CNTN5: variants seen among roughly 807,000 people sequenced by gnomAD.
The protein encoded by CNTN5 is contactin 5, also known as contactin-5.
In CNTN5, 77 loss-of-function variants were observed where a neutral mutation model predicts 129.1. That is an observed-to-expected ratio of 0.60 (90% CI 0.50 to 0.72). CNTN5 has a LOEUF of 0.72. Among genes scored for constraint, CNTN5 ranks in the 30% least tolerant of loss-of-function variants. The pLI, the probability that CNTN5 is intolerant of heterozygous loss-of-function variation, is 0.00. For synonymous variants in CNTN5, 509 were observed against 465.6 expected, an observed-to-expected ratio of 1.09 and a Z score of -1.20; for missense variants, 1,478 against 1,328.8, an observed-to-expected ratio of 1.11 and a Z score of -1.75.
chr11:99,095,554 G>A (rs1248065507), intron 1 of CNTN5, among the ~76,000 whole-genome samples: 1 of 151,858 alleles, frequency 6.6e-6, no homozygotes, highest in African/African-American at 2.4e-5. Flanking sequence ...AAGAGTAAGG[G>A]CAGAAAATCA....
intron 2 of CNTN5, among the ~76,000 whole-genome samples, chr11:99,431,757 A>T (rs887404091): frequency 6.6e-6 from 1 of 152,202 alleles, no homozygotes; most frequent in South Asian, 2.1e-4. Flanking sequence ...TAAAAAAAGG[A>T]ACAGCAATCC....
intron 2 of CNTN5, among the ~76,000 whole-genome samples, chr11:99,363,556 T>C (rs1041918215): frequency 6.6e-6 from 1 of 152,126 alleles, no homozygotes. Flanking sequence ...GACAAAACTG[T>C]TGGGAACATG....
At chr11:100,236,759 A>G (rs923954189) in intron 16 of CNTN5, among the ~76,000 whole-genome samples, 1 of 152,076 alleles carries the variant, frequency 6.6e-6, no homozygotes, top group East Asian at 1.9e-4. Context: ...CTGGCCTTTC[A>G]GAAGGCCTGC....
chr11:99,591,182 T>G (rs1423925443), intron 3 of CNTN5, among the ~76,000 whole-genome samples: 2 of 152,128 alleles, frequency 1.3e-5, no homozygotes, highest in African/African-American at 4.8e-5. Flanking sequence ...ATCTTTTTGA[T>G]GGTTCTCTGG....
At chr11:99,716,044 T>C (rs530818022) in intron 3 of CNTN5, among the ~76,000 whole-genome samples, 2 of 152,082 alleles carry the variant, frequency 1.3e-5, no homozygotes, top group South Asian at 4.1e-4. Context: ...GTTTGGAAGA[T>C]TTTCTTAGAG....
At chr11:99,922,332 T>C (rs1949960136) in intron 7 of CNTN5, among the ~76,000 whole-genome samples, 1 of 152,188 alleles carries the variant, frequency 6.6e-6, no homozygotes, top group Admixed American at 6.5e-5. Flanking sequence ...GTAGGGATTA[T>C]GAAAGCTACA....
intron 9 of CNTN5, among the ~76,000 whole-genome samples, chr11:100,045,922 T>G (rs1942643611): frequency 6.6e-6 from 1 of 152,092 alleles, no homozygotes. Flanking sequence ...AAGAAAGACA[T>G]CAAACACTTT....
At chr11:99,383,897 A>T (rs944731760) in intron 2 of CNTN5, among the ~76,000 whole-genome samples, 1 of 152,166 alleles carries the variant, frequency 6.6e-6, no homozygotes, top group Non-Finnish European at 1.5e-5. Context: ...GCCATGGTTG[A>T]TGCACTCAGA....
chr11:100,088,782 T>G (rs193259339), intron 13 of CNTN5, among the ~76,000 whole-genome samples: 3 of 152,078 alleles, frequency 2.0e-5, no homozygotes, highest in Non-Finnish European at 4.4e-5. Flanking sequence ...ACCAGATTAG[T>G]TCACTGACAA....
intron 2 of CNTN5, among the ~76,000 whole-genome samples, chr11:99,329,500 G>A (rs1865917127): frequency 6.6e-6 from 1 of 152,236 alleles, no homozygotes; most frequent in South Asian, 2.1e-4. Flanking sequence ...TTAGTCTGAA[G>A]GCTCAGTCAC....
intron 6 of CNTN5, among the ~76,000 whole-genome samples, chr11:99,884,307 G>T (rs1247578783): frequency 4.6e-5 from 7 of 152,112 alleles, no homozygotes; most frequent in Non-Finnish European, 8.8e-5. Context: ...ATAATTTGTA[G>T]ATACGGAATA....
intron 3 of CNTN5, among the ~76,000 whole-genome samples, chr11:99,721,607 C>A (rs76277545): frequency 2.6e-5 from 4 of 151,856 alleles, no homozygotes; most frequent in Non-Finnish European, 4.4e-5. Flanking sequence ...CAAAAGCAAT[C>A]GTAACAAAAG....
chr11:100,285,304 C>A (rs1950751900), intron 18 of CNTN5, among the ~76,000 whole-genome samples: 1 of 152,160 alleles, frequency 6.6e-6, no homozygotes, highest in South Asian at 2.1e-4. Context: ...GCTCTGCAGT[C>A]AACTTCCCAA....
chr11:99,421,963 T>C (rs780841491), intron 2 of CNTN5, among the ~76,000 whole-genome samples: 1 of 152,214 alleles, frequency 6.6e-6, no homozygotes, highest in African/African-American at 2.4e-5. Context: ...AATGTCAACC[T>C]GAAAAGAACT....
At chr11:99,859,257 G>T (rs1948134369) in intron 6 of CNTN5, among the ~76,000 whole-genome samples, 1 of 152,088 alleles carries the variant, frequency 6.6e-6, no homozygotes, top group African/African-American at 2.4e-5. Context: ...CCTCTTTATG[G>T]TCACACGGCT....
At chr11:99,620,025 C>CAA (rs779644229) in intron 3 of CNTN5, among the ~76,000 whole-genome samples, 1,729 of 67,878 alleles carry the variant, frequency 0.025, 66 homozygotes, top group African/African-American at 0.063. Flanking sequence ...GACTCCGTCT[C>CAA]AAAAAAAAAA....
chr11:100,112,232 C>A (rs1259381152), intron 13 of CNTN5, among the ~76,000 whole-genome samples: 1 of 152,070 alleles, frequency 6.6e-6, no homozygotes, highest in East Asian at 1.9e-4. Context: ...ATTCCAACAT[C>A]CAAAGAGATA....
At chr11:99,055,204 T>A (rs1864581538) in intron 1 of CNTN5, among the ~76,000 whole-genome samples, 1 of 152,006 alleles carries the variant, frequency 6.6e-6, no homozygotes. Context: ...CTATAGCCAG[T>A]GAAAGCTTCA....
At chr11:99,418,410 T>G (rs994745480) in intron 2 of CNTN5, among the ~76,000 whole-genome samples, 6 of 152,226 alleles carry the variant, frequency 3.9e-5, no homozygotes, top group African/African-American at 1.4e-4. Flanking sequence ...CAAGTTGACA[T>G]CAAGCCATTA....
Sources: allele counts gnomAD v4.1 joint callset (sites outside exome capture counted in the v4.1 genomes callset), GRCh38; gene constraint gnomAD v4.1.1; transcripts MANE v1.5; gene names NCBI Gene and HGNC (gene_info 2026-07-23, HGNC 2026-07-21).